The following DISP3 variants were observed in gnomAD, a reference collection of about 807,000 sequenced individuals.
DISP3 encodes the protein protein dispatched homolog 3.
In DISP3, 101 loss-of-function variants were observed where a neutral mutation model predicts 135.3. The ratio of observed to expected loss-of-function variants is 0.75; its 90% CI spans 0.64 to 0.88. DISP3 has a LOEUF of 0.88. DISP3 is among the 40% of genes least tolerant of loss of function. The probability of loss-of-function intolerance (pLI) is 0.00; values close to 1 mark genes in which losing one functional copy is unlikely to be tolerated. For missense variants in DISP3, 1,713 were observed against 1,878.6 expected, an observed-to-expected ratio of 0.91 and a Z score of 1.63; for synonymous variants, 856 against 817.0, an observed-to-expected ratio of 1.05 and a Z score of -0.81.
Position 11,520,539 on chromosome 1 carries a change from C to A in DISP3, c.2201-148C>A. On this transcript the variant is annotated intron_variant, in intron 9 of 20. Transcript: ENST00000294484. The surrounding 1 kb of genome is among the most constrained non-coding windows in gnomAD (Gnocchi z 4.8). ...AGGACCATCCCCAGCAAGCTTTGCC[C>A]ACGGGCTGGCATGCAGGGCCTTCCC... 1.2e-6 allele frequency: 1 copy of A among 813,554 alleles called. No homozygotes were observed. Among genetic ancestry groups the A allele is most frequent in the Non-Finnish European group, 1.9e-6 (1 of 529,636 alleles). 50.4% of individuals were successfully genotyped at this position (813,554 alleles called of 1,614,324 possible).
chr1:11,525,284 C>T lies in DISP3; in HGVS notation c.2585C>T (p.Pro862Leu), dbSNP rs775451251. The T allele has an allele frequency of 1.2e-4, 197 of 1,613,802 alleles. No homozygotes were observed. The highest frequency in any genetic ancestry group is 1.6e-4 in the Non-Finnish European group (194 of 1,179,884). Reference protein sequence around the residue: ...SLPAPWQAVSPGDGEVPSFQV... With the variant: ...SLPAPWQAVSLGDGEVPSFQV... ...CCTGCTCCTTGGCAGGCTGTGTCGC[C>T]TGGGGATGGAGAGGTGCCCTCCTTC... The change falls in exon 12 of 21, where the codon CCT becomes CTT. Residue 862 changes from proline (P) to leucine (L), a missense_variant. Coordinates refer to ENST00000294484, the MANE Select transcript of DISP3 (RefSeq NM_020780.2).
rs373895298 is a variant in DISP3 at position 11,529,522 on chromosome 1, T to G, written c.2799-34T>G. The G allele has an allele frequency of 3.3e-6, 5 of 1,532,588 alleles. No individual in the cohort carries two copies. The highest frequency in any genetic ancestry group is 4.4e-6 in the Non-Finnish European group (5 of 1,137,378). 94.9% of individuals were successfully genotyped at this position (1,532,588 alleles called of 1,614,324 possible). A position where few individuals can be genotyped will look rare whatever the true frequency, so the allele number is the denominator to read the frequency against. ...ACCTCCCCTGACTCCTCCTAGCCTT[T>G]CCGGCCTCAGCCCAGCCTCCATTCC... On this transcript the variant is annotated intron_variant, in intron 13 of 20. Transcript: ENST00000294484. The surrounding 1 kb of genome is among the most constrained non-coding windows in gnomAD (Gnocchi z 4.7).
intron 1 of DISP3, among the ~76,000 whole-genome samples, chr1:11,490,026 C>A (rs1036233605): frequency 6.6e-6 from 1 of 152,118 alleles, no homozygotes; most frequent in Admixed American, 6.6e-5. Flanking sequence ...TGCTGGGGTG[C>A]TGGACTGGCT....
At chr1:11,525,558 G>A (rs1019623624) in intron 12 of DISP3, among the ~76,000 whole-genome samples, 1 of 152,168 alleles carries the variant, frequency 6.6e-6, no homozygotes, top group Non-Finnish European at 1.5e-5. Flanking sequence ...GTGTCTTTAG[G>A]CAGATTACTT....
Position 11,520,616 on chromosome 1 carries a change from C to T in DISP3, c.2201-71C>T. ...AACAACCAGAGCAGTTGTCTCCCGG[C>T]ACTTTGGAGCCCCACTGGGAACAGA... On this transcript the variant is annotated intron_variant, in intron 9 of 20. Transcript: ENST00000294484. This position sits in a 1 kb window ranked among gnomAD's most constrained non-coding sequence, Gnocchi z 4.8. The T allele has an allele frequency of 1.3e-6, 2 of 1,534,014 alleles. No individual in the cohort carries two copies. The highest frequency in any genetic ancestry group is 1.8e-6 in the Non-Finnish European group (2 of 1,126,984).
chr1:11,480,146 C>T (rs959075051), intron 1 of DISP3, among the ~76,000 whole-genome samples: 1 of 152,294 alleles, frequency 6.6e-6, no homozygotes, highest in African/African-American at 2.4e-5. Flanking sequence ...GGGAAGGCGC[C>T]TCCTTGGGGG....
chr1:11,479,996 G>A (rs1640849097), intron 1 of DISP3, among the ~76,000 whole-genome samples: 1 of 152,230 alleles, frequency 6.6e-6, no homozygotes, highest in Admixed American at 6.5e-5. Flanking sequence ...GAACGAGGGT[G>A]GAGGTGGAGT....
chr1:11,523,777 A>G (rs1040658121), intron 10 of DISP3, among the ~76,000 whole-genome samples, 165 bp from the exon 11 acceptor site: 6 of 152,036 alleles, frequency 3.9e-5, no homozygotes, highest in African/African-American at 1.4e-4. Flanking sequence ...TTGATTTTTT[A>G]AAAGTTCTTT....
rs141872306 is a variant in DISP3 at position 11,498,717 on chromosome 1, A to C, written c.-3-2273A>C. Among the ~76,000 whole-genome samples the C allele has an allele frequency of 4.6e-5, 7 of 152,278 alleles. No homozygotes were observed. In the East Asian group the frequency reaches 1.2e-3, roughly 25 times the overall value. Reference sequence around the variant, plus strand: ...AGCCTTTGGAGGGAAGTAGCATATGAAAGAATAGTAGCTGTCATTTCCCAA... The same window carrying C: ...AGCCTTTGGAGGGAAGTAGCATATGCAAGAATAGTAGCTGTCATTTCCCAA... On this transcript the variant is annotated intron_variant, in intron 1 of 20. Coordinates refer to ENST00000294484, the MANE Select transcript of DISP3 (RefSeq NM_020780.2).
At chr1:11,480,522 G>A (rs1446668314) in intron 1 of DISP3, among the ~76,000 whole-genome samples, 1 of 151,962 alleles carries the variant, frequency 6.6e-6, no homozygotes. Flanking sequence ...CAGCATCTTC[G>A]CCCCCGCTCT....
At chr1:11,498,940 C>A (rs1641420486) in intron 1 of DISP3, among the ~76,000 whole-genome samples, 2 of 152,294 alleles carry the variant, frequency 1.3e-5, no homozygotes, top group South Asian at 4.1e-4. Context: ...TCTTAACACG[C>A]TGCTACACTG....
Position 11,483,941 on chromosome 1 carries a change from G to A in DISP3, c.-4+4569G>A, listed in dbSNP as rs1457782416. On this transcript the variant is annotated intron_variant, in intron 1 of 20. Coordinates refer to ENST00000294484, the MANE Select transcript of DISP3 (RefSeq NM_020780.2). The surrounding 1 kb of genome is among the most constrained non-coding windows in gnomAD (Gnocchi z 5.4). ...TGTTGGTAGCAGAGCCTGAGTCTCA[G>A]AATCCCAGGCCAGGGATCTTCCCAG... Among the ~76,000 whole-genome samples the A allele has an allele frequency of 6.6e-6, 1 of 152,226 alleles. No homozygotes were observed. The highest frequency in any genetic ancestry group is 2.4e-5 in the African/African-American group (1 of 41,464).
chr1:11,525,550 G>C (rs985481980), intron 12 of DISP3, among the ~76,000 whole-genome samples: 7 of 143,342 alleles, frequency 4.9e-5, no homozygotes, highest in African/African-American at 1.5e-4. Context: ...TTAACTGTGT[G>C]TCTTTAGGCA....
chr1:11,500,871 C>CA (rs922205780), intron 1 of DISP3, 119 bp from the exon 2 acceptor site: 37 of 1,079,092 alleles, frequency 3.4e-5, no homozygotes, highest in Non-Finnish European at 4.9e-5. Flanking sequence ...AATTCCATTG[C>CA]AGTATTAGTA....
At chr1:11,503,947 A>G (rs1312460338) in intron 3 of DISP3, among the ~76,000 whole-genome samples, 1 of 152,176 alleles carries the variant, frequency 6.6e-6, no homozygotes, top group East Asian at 1.9e-4. Context: ...TGGTGTGCCC[A>G]GGAGTACAAC....
At position 11,530,057 on chromosome 1, in the gene DISP3, C is replaced by A. The variant is rs530900036; in HGVS notation, c.3102+98C>A. ...GAACCATGTCCAGCTCCTCACACCC[C>A]CTCTTGGCTCCTCAATGGCTCCTCT... is the stretch of plus-strand genomic sequence containing the variant. On this transcript the variant is annotated intron_variant, in intron 15 of 20. Coordinates refer to ENST00000294484, the MANE Select transcript of DISP3 (RefSeq NM_020780.2). 3.5e-5 allele frequency: 52 copies of A among 1,474,872 alleles called. No homozygotes were observed. In the East Asian group the frequency reaches 6.2e-4, roughly 18 times the overall value. The allele number at this position is 1,474,872 out of a possible 1,614,324, so 91.4% of individuals were successfully genotyped here.
chr1:11,527,766 C>T (rs1350171055), intron 13 of DISP3, among the ~76,000 whole-genome samples: 3 of 152,164 alleles, frequency 2.0e-5, no homozygotes, highest in Non-Finnish European at 4.4e-5. Context: ...ATTTACTGCT[C>T]TCTGTGCCTA....
chr1:11,511,636 G>A (rs1641858566), intron 3 of DISP3, among the ~76,000 whole-genome samples: 1 of 152,132 alleles, frequency 6.6e-6, no homozygotes, highest in African/African-American at 2.4e-5. Flanking sequence ...AGTGTCTGCA[G>A]CTTTTCCAGG....
chr1:11,531,489 G>C lies in DISP3; in HGVS notation c.3230-76G>C. ...CTAAGCCTCAGAGGTATGTGAGTGC[G>C]TGGGCACAGGTGTGATGCAGGGGGA... is the stretch of plus-strand genomic sequence containing the variant. On this transcript the variant is annotated intron_variant, in intron 16 of 20. Transcript: ENST00000294484. The surrounding 1 kb of genome is among the most constrained non-coding windows in gnomAD (Gnocchi z 5.2). 2.5e-6 allele frequency: 4 copies of C among 1,596,866 alleles called. No homozygotes were observed. The highest frequency in any genetic ancestry group is 3.4e-6 in the Non-Finnish European group (4 of 1,166,478).
Sources: gnomAD v4.1 joint callset for allele counts (sites outside exome capture counted in the v4.1 genomes callset) on GRCh38, gnomAD v4.1.1 for gene constraint, Gnocchi (gnomAD v3.1) non-coding constraint, MANE v1.5 for transcripts, NCBI Gene and HGNC (gene_info 2026-07-23, HGNC 2026-07-21) for gene names.